Variants in CRPPA observed in about 807,000 individuals in gnomAD.
CRPPA encodes D-ribitol-5-phosphate cytidylyltransferase.
Under a neutral mutation model 52.0 loss-of-function variants are expected in CRPPA, and 43 were observed. The ratio of observed to expected loss-of-function variants is 0.83; its 90% CI spans 0.65 to 1.07. The LOEUF (loss-of-function observed/expected upper bound fraction) is 1.07, where lower values mean the gene tolerates loss of function less well. CRPPA is among the 50% of genes least tolerant of loss of function. The pLI is 0.00. For synonymous variants in CRPPA, 250 were observed against 203.5 expected (o/e 1.23, Z -1.94); for missense variants, 629 against 551.7 (o/e 1.14, Z -1.40).
At chr7:16,286,035 AAAAATATAAATATATATATAT>A (rs1784424480) in intron 5 of CRPPA, among the ~76,000 whole-genome samples, 3 of 18,808 alleles carry the variant, frequency 1.6e-4, no homozygotes, top group Admixed American at 1.2e-3. Context: ...AAAAAAAAAA[AAAAATATAAATATATATATAT>A]ATATATATAT....
At chr7:16,326,979 G>C (rs894653094) in intron 3 of CRPPA, among the ~76,000 whole-genome samples, 1 of 152,110 alleles carries the variant, frequency 6.6e-6, no homozygotes, top group Non-Finnish European at 1.5e-5. Flanking sequence ...AAAAAAGTAG[G>C]AGATTGGGTC....
intron 1 of CRPPA, among the ~76,000 whole-genome samples, chr7:16,411,948 A>T (rs1307177879): frequency 1.3e-5 from 2 of 152,212 alleles, no homozygotes; most frequent in African/African-American, 4.8e-5. Context: ...GAAAATTTAC[A>T]TTGACTTAAA....
intron 2 of CRPPA, among the ~76,000 whole-genome samples, chr7:16,400,222 C>A (rs111851295): frequency 9.0e-6 from 1 of 111,236 alleles, no homozygotes; most frequent in Non-Finnish European, 2.0e-5. Context: ...GTGTCCAACA[C>A]GTGGCTGACA....
At chr7:16,272,217 G>C (rs1258611602) in intron 6 of CRPPA, among the ~76,000 whole-genome samples, 4 of 152,152 alleles carry the variant, frequency 2.6e-5, no homozygotes, top group African/African-American at 9.7e-5. Flanking sequence ...AAAAGTGCCT[G>C]TGAATGGGGG....
At chr7:16,187,151 G>GT (rs968946596) in intron 9 of CRPPA, among the ~76,000 whole-genome samples, 103 of 152,024 alleles carry the variant, frequency 6.8e-4, no homozygotes, top group Middle Eastern at 3.4e-3. Flanking sequence ...CAAAGATAAG[G>GT]TTTTCTTTCC....
At chr7:16,344,619 G>A (rs1268182782) in intron 3 of CRPPA, among the ~76,000 whole-genome samples, 1 of 151,914 alleles carries the variant, frequency 6.6e-6, no homozygotes, top group African/African-American at 2.4e-5. Flanking sequence ...TTAAAAGTAT[G>A]AGAAAGTTGC....
At chr7:16,210,170 A>C (rs949515082) in intron 9 of CRPPA, among the ~76,000 whole-genome samples, 2 of 152,210 alleles carry the variant, frequency 1.3e-5, no homozygotes, top group African/African-American at 2.4e-5. Context: ...ATGGATAGAT[A>C]CATGTATATA....
At chr7:16,358,610 G>A (rs1200295653) in intron 3 of CRPPA, among the ~76,000 whole-genome samples, 1 of 152,140 alleles carries the variant, frequency 6.6e-6, no homozygotes, top group African/African-American at 2.4e-5. Context: ...CAAAAACCTT[G>A]AGTGATGACT....
intron 1 of CRPPA, among the ~76,000 whole-genome samples, chr7:16,410,442 C>G (rs1451172433): frequency 6.6e-6 from 1 of 152,144 alleles, no homozygotes; most frequent in East Asian, 1.9e-4. Context: ...TCTTCAATCC[C>G]TCTTAAATGT....
chr7:16,228,468 T>G (rs1782708243), intron 8 of CRPPA, among the ~76,000 whole-genome samples: 1 of 151,934 alleles, frequency 6.6e-6, no homozygotes, highest in South Asian at 2.1e-4. Context: ...GAACTGCTTT[T>G]ACTGTATCCC....
chr7:16,133,568 G>A (rs1162201410), intron 9 of CRPPA, among the ~76,000 whole-genome samples: 1 of 124,336 alleles, frequency 8.0e-6, no homozygotes, highest in African/African-American at 2.6e-5. Flanking sequence ...CTCCACATGA[G>A]CAGTTCATCT....
intron 3 of CRPPA, among the ~76,000 whole-genome samples, chr7:16,359,233 T>G (rs571733057): frequency 6.6e-6 from 1 of 152,194 alleles, no homozygotes; most frequent in Non-Finnish European, 1.5e-5. Flanking sequence ...GGTGATCCTC[T>G]GCCTCAGCCT....
intron 9 of CRPPA, among the ~76,000 whole-genome samples, chr7:16,165,724 C>A (rs981899090): frequency 6.6e-6 from 1 of 152,220 alleles, no homozygotes; most frequent in Non-Finnish European, 1.5e-5. Context: ...CTTGCTTTCT[C>A]TTTTCTCCCC....
chr7:16,327,562 C>A (rs1228896398), intron 3 of CRPPA, among the ~76,000 whole-genome samples: 2 of 135,990 alleles, frequency 1.5e-5, no homozygotes, highest in African/African-American at 5.8e-5. Context: ...CACTGCAGTC[C>A]GCAGTCCGGC....
chr7:16,410,573 C>G (rs1274084769), intron 1 of CRPPA, among the ~76,000 whole-genome samples: 1 of 152,144 alleles, frequency 6.6e-6, no homozygotes, highest in Non-Finnish European at 1.5e-5. Context: ...CAATACAATC[C>G]ATTCTCACCA....
At chr7:16,371,694 TG>T (rs1562659730) in intron 3 of CRPPA, among the ~76,000 whole-genome samples, 1 of 151,148 alleles carries the variant, frequency 6.6e-6, no homozygotes, top group Non-Finnish European at 1.5e-5. Context: ...TCCCAAGCAA[TG>T]GATACAAACC....
chr7:16,401,285 G>C (rs140925141), intron 2 of CRPPA, among the ~76,000 whole-genome samples: 137 of 152,266 alleles, frequency 9.0e-4, no homozygotes, highest in African/African-American at 3.1e-3. Context: ...CAGGAACCTG[G>C]AATAAAGAGC....
At chr7:16,236,532 GT>G (rs1312692400) in intron 8 of CRPPA, among the ~76,000 whole-genome samples, 7 of 152,032 alleles carry the variant, frequency 4.6e-5, no homozygotes, top group African/African-American at 1.7e-4. Flanking sequence ...GAATCTAGAA[GT>G]TTCTGGCACT....
chr7:16,149,520 G>C (rs1783034843), intron 9 of CRPPA, among the ~76,000 whole-genome samples: 1 of 152,038 alleles, frequency 6.6e-6, no homozygotes, highest in South Asian at 2.1e-4. Context: ...GGAAACATGA[G>C]GAAATGAAGG....
Sources: gnomAD v4.1 joint callset for allele counts (sites outside exome capture counted in the v4.1 genomes callset) on GRCh38, gnomAD v4.1.1 for gene constraint, MANE v1.5 for transcripts, NCBI Gene and HGNC (gene_info 2026-07-23, HGNC 2026-07-21) for gene names.